The following MACROD2 variants were observed in gnomAD, a reference collection of about 807,000 sequenced individuals.
MACROD2 encodes mono-ADP ribosylhydrolase 2, also known as ADP-ribose glycohydrolase MACROD2.
In MACROD2, 36 loss-of-function variants were observed where a neutral mutation model predicts 70.4. The ratio of observed to expected loss-of-function variants is 0.51; its 90% CI spans 0.39 to 0.68. The LOEUF is 0.68. Among genes scored for constraint, MACROD2 ranks in the 30% least tolerant of loss-of-function variants. The probability of loss-of-function intolerance (pLI) is 0.00; values close to 1 mark genes in which losing one functional copy is unlikely to be tolerated. For synonymous variants in MACROD2, 172 were observed against 178.8 expected (o/e 0.96, Z 0.30); for missense variants, 496 against 538.4 (o/e 0.92, Z 0.78).
intron 6 of MACROD2, among the ~76,000 whole-genome samples, chr20:15,299,491 T>C (rs1426143694): frequency 6.6e-6 from 1 of 152,216 alleles, no homozygotes; most frequent in Non-Finnish European, 1.5e-5. Context: ...ACAGACCCTG[T>C]GGAAGTCATT....
Position 15,927,627 on chromosome 20 carries a change from C to T in MACROD2, c.776-5649C>T, listed in dbSNP as rs552282654. Among the ~76,000 whole-genome samples the T allele has an allele frequency of 2.4e-3, 367 of 152,202 alleles. 1 individual carries two copies. Among genetic ancestry groups the T allele is most frequent in the African/African-American group, 8.3e-3 (343 of 41,534 alleles). ...GTGCAAAGGAGACATCTGTAGGAAG[C>T]GGCAGCTATGACTCCTGCTAGGTGG... On this transcript the variant is annotated intron_variant, in intron 10 of 17. Transcript: ENST00000684519.
At chr20:15,491,417 A>G (rs1036181822) in intron 7 of MACROD2, among the ~76,000 whole-genome samples, 7 of 152,246 alleles carry the variant, frequency 4.6e-5, no homozygotes, top group Admixed American at 4.6e-4. Context: ...GACAGCTGTC[A>G]TGGTTTGACT....
At chr20:15,594,298 G>A (rs925083485) in intron 8 of MACROD2, among the ~76,000 whole-genome samples, 2 of 151,784 alleles carry the variant, frequency 1.3e-5, no homozygotes, top group South Asian at 4.2e-4. Context: ...GTTGCTGGAT[G>A]AGCCCATTGC....
chr20:15,021,089 C>CATAT (rs1270579002), intron 5 of MACROD2, among the ~76,000 whole-genome samples: 1 of 127,500 alleles, frequency 7.8e-6, no homozygotes, highest in African/African-American at 3.0e-5. Context: ...TGTGTATACA[C>CATAT]GTGTATGTGT....
chr20:15,062,971 G>T (rs1159461654), intron 5 of MACROD2, among the ~76,000 whole-genome samples: 1 of 152,204 alleles, frequency 6.6e-6, no homozygotes, highest in East Asian at 1.9e-4. Context: ...CTGCAGATGG[G>T]ATTTGGGGAC....
chr20:15,697,291 A>G (rs553188044), intron 8 of MACROD2, among the ~76,000 whole-genome samples: 2 of 152,102 alleles, frequency 1.3e-5, no homozygotes, highest in Non-Finnish European at 2.9e-5. Flanking sequence ...TTTAATTTCC[A>G]TATTGATTTC....
intron 7 of MACROD2, among the ~76,000 whole-genome samples, chr20:15,468,387 C>T (rs562360199): frequency 1.3e-5 from 2 of 152,258 alleles, no homozygotes; most frequent in South Asian, 2.1e-4. Flanking sequence ...CAAACGAAAC[C>T]AATATCCTGG....
At chr20:15,575,767 C>T (rs893958016) in intron 8 of MACROD2, among the ~76,000 whole-genome samples, 4 of 152,136 alleles carry the variant, frequency 2.6e-5, no homozygotes, top group African/African-American at 9.7e-5. Flanking sequence ...AGACTGGGCA[C>T]ATCCATGTAA....
intron 6 of MACROD2, among the ~76,000 whole-genome samples, chr20:15,234,484 T>A (rs1260766930): frequency 6.6e-6 from 1 of 151,998 alleles, no homozygotes; most frequent in African/African-American, 2.4e-5. Context: ...CTACAGATTT[T>A]CTCTGTAAAA....
chr20:14,345,419 T>TC (rs1198701551), intron 3 of MACROD2, among the ~76,000 whole-genome samples: 2 of 152,196 alleles, frequency 1.3e-5, no homozygotes, highest in African/African-American at 4.8e-5. Flanking sequence ...GAAGTGTTTT[T>TC]CTGATAGAAA....
chr20:14,284,976 T>C lies in MACROD2; in HGVS notation c.271+199248T>C, dbSNP rs956825993. Among the ~76,000 whole-genome samples the C allele has an allele frequency of 2.6e-5, 4 of 152,290 alleles. No individual in the cohort carries two copies. In the South Asian group the frequency reaches 8.3e-4, roughly 32 times the overall value. ...GATTGATTGTAAAAACTCTGAAAAA[T>C]GTAAATTCTTAGAAGTCATCAAAAA... On this transcript the variant is annotated intron_variant, in intron 3 of 17. Coordinates refer to ENST00000684519, the MANE Select transcript of MACROD2 (RefSeq NM_001351661.2).
intron 4 of MACROD2, among the ~76,000 whole-genome samples, chr20:14,557,480 A>G (rs751697622): frequency 5.3e-5 from 8 of 151,996 alleles, no homozygotes; most frequent in Non-Finnish European, 1.2e-4. Context: ...TACATCTGAT[A>G]AGAAACTTGT....
chr20:14,862,007 A>ATG (rs1568838656), intron 5 of MACROD2, among the ~76,000 whole-genome samples: 1 of 23,094 alleles, frequency 4.3e-5, no homozygotes, highest in African/African-American at 1.5e-4. Flanking sequence ...ATATATATTT[A>ATG]TATATATATA....
intron 7 of MACROD2, among the ~76,000 whole-genome samples, chr20:15,485,168 T>C (rs2047147828): frequency 6.6e-6 from 1 of 151,852 alleles, no homozygotes; most frequent in Non-Finnish European, 1.5e-5. Context: ...TTTGTCATCC[T>C]CCTGACTCTT....
At chr20:15,089,521 A>G (rs894824569) in intron 5 of MACROD2, among the ~76,000 whole-genome samples, 2 of 152,114 alleles carry the variant, frequency 1.3e-5, no homozygotes, top group Non-Finnish European at 2.9e-5. Context: ...CAACTCTTTT[A>G]TCTGATTTTA....
rs1474135582 is a variant in MACROD2 at position 16,030,862 on chromosome 20, TAAAAC to T, written c.1154-10335_1154-10331del. On this transcript the variant is annotated intron_variant, in intron 15 of 17. Coordinates refer to ENST00000684519, the MANE Select transcript of MACROD2 (RefSeq NM_001351661.2). ...TCAATGTATAGAACAGAAAATGTCT[TAAAAC>T]AAAGGGAAGCTGAATTGATGATCTA... Among the ~76,000 whole-genome samples, 25 of 152,116 alleles carry T rather than the reference TAAAAC, an allele frequency of 1.6e-4. No homozygotes were observed. In the South Asian group the frequency reaches 3.5e-3, roughly 21 times the overall value.
chr20:15,556,790 C>T (rs957081547), intron 8 of MACROD2, among the ~76,000 whole-genome samples: 1 of 152,098 alleles, frequency 6.6e-6, no homozygotes, highest in African/African-American at 2.4e-5. Flanking sequence ...GTCAATGGAC[C>T]CTCACTGTGT....
intron 15 of MACROD2, among the ~76,000 whole-genome samples, chr20:16,024,827 C>G: frequency 6.6e-6 from 1 of 152,178 alleles, no homozygotes; most frequent in Middle Eastern, 3.4e-3. Context: ...TTTTTTTTTA[C>G]GAGCAAAAAT....
At chr20:15,942,637 G>T (rs926338892) in intron 12 of MACROD2, among the ~76,000 whole-genome samples, 1 of 152,110 alleles carries the variant, frequency 6.6e-6, no homozygotes, top group South Asian at 2.1e-4. Context: ...CATTAAATGG[G>T]CATATAAACA....
Sources: allele counts gnomAD v4.1 joint callset (sites outside exome capture counted in the v4.1 genomes callset), GRCh38; gene constraint gnomAD v4.1.1; transcripts MANE v1.5; gene names NCBI Gene and HGNC (gene_info 2026-07-23, HGNC 2026-07-21).